Variants in TMEM273 observed in about 807,000 individuals in gnomAD.
TMEM273 encodes the protein transmembrane protein 273.
In TMEM273, 19 loss-of-function variants were observed where a neutral mutation model predicts 17.9. The ratio of observed to expected loss-of-function variants is 1.06; its 90% CI spans 0.74 to 1.55. The LOEUF (loss-of-function observed/expected upper bound fraction) is 1.55. Among genes scored for constraint, TMEM273 ranks in the 40% most tolerant of loss-of-function variants. TMEM273 has a pLI of 0.00. For missense variants in TMEM273, 194 were observed against 155.6 expected, an observed-to-expected ratio of 1.25 and a Z score of -1.31; for synonymous variants, 66 against 62.0, an observed-to-expected ratio of 1.07 and a Z score of -0.31.
intron 1 of TMEM273, among the ~76,000 whole-genome samples, chr10:49,176,029 G>T (rs902861131): frequency 1.3e-5 from 2 of 152,212 alleles, no homozygotes; most frequent in African/African-American, 4.8e-5. Context: ...GAAACCAAGA[G>T]ATCTGAGTCC....
chr10:49,175,306 G>C (rs1042880444), intron 1 of TMEM273, among the ~76,000 whole-genome samples: 1 of 152,154 alleles, frequency 6.6e-6, no homozygotes, highest in African/African-American at 2.4e-5. Context: ...CCAGAGGTGG[G>C]AGTGCTTGGC....
chr10:49,173,898 C>G (rs1418331372), intron 1 of TMEM273, among the ~76,000 whole-genome samples: 3 of 152,142 alleles, frequency 2.0e-5, no homozygotes, highest in Non-Finnish European at 4.4e-5. Flanking sequence ...GCTCTGAGAC[C>G]ATGTACACTG....
Position 49,165,751 on chromosome 10 carries a change from G to C in TMEM273, c.269+15C>G. On this transcript the variant is annotated intron_variant, in intron 4 of 6. Coordinates refer to ENST00000374153, the MANE Select transcript of TMEM273 (RefSeq NM_001288740.3). ...ACACGATACCTCTCCCTGACTGTGT[G>C]GGCAGTGACCTTACCTTGGGGCTCT... 6.2e-7 allele frequency: 1 copy of C among 1,614,104 alleles called. No individual in the cohort carries two copies. Among genetic ancestry groups the C allele is most frequent in the Non-Finnish European group, 8.5e-7 (1 of 1,179,952 alleles).
intron 5 of TMEM273, among the ~76,000 whole-genome samples, chr10:49,163,771 C>A (rs1845994580): frequency 6.6e-6 from 1 of 152,118 alleles, no homozygotes; most frequent in South Asian, 2.1e-4. Flanking sequence ...ATGAAATGTG[C>A]TTTAATGCTT....
chr10:49,180,511 C>T (rs1160701963), intron 1 of TMEM273, among the ~76,000 whole-genome samples: 2 of 152,170 alleles, frequency 1.3e-5, no homozygotes, highest in Non-Finnish European at 2.9e-5. Flanking sequence ...CCCCTTTTCT[C>T]TCGACAGAAT....
chr10:49,160,309 T>C (rs555832821), intron 6 of TMEM273: 1 of 152,314 alleles, frequency 6.6e-6, no homozygotes, highest in Admixed American at 6.5e-5. Context: ...CCAACAGTGA[T>C]GCAATACAAC....
At chr10:49,161,472 G>T in intron 6 of TMEM273, 127 bp downstream of exon 6, 1 of 1,187,154 alleles carries the variant, frequency 8.4e-7, no homozygotes, top group Non-Finnish European at 1.3e-6. Flanking sequence ...AGGGCTCCTG[G>T]CCATGCCATG....
intron 4 of TMEM273, 90 bp downstream of exon 4, chr10:49,165,676 G>A: frequency 6.4e-7 from 1 of 1,556,068 alleles, no homozygotes; most frequent in African/African-American, 1.4e-5. Context: ...AGAGTGCAGA[G>A]AAGGCTGGGG....
chr10:49,172,954 T>C (rs937774723), intron 1 of TMEM273, among the ~76,000 whole-genome samples: 1 of 152,218 alleles, frequency 6.6e-6, no homozygotes. Context: ...TTATTCTTCC[T>C]GTCAACTGTG....
At chr10:49,166,833 T>C in intron 3 of TMEM273, 36 bp downstream of exon 3, 1 of 1,611,330 alleles carries the variant, frequency 6.2e-7, no homozygotes, top group Non-Finnish European at 8.5e-7. Flanking sequence ...CCTCGCTGGG[T>C]GGGGCAGAGC....
chr10:49,158,064 C>G (rs1331559769), intron 6 of TMEM273, among the ~76,000 whole-genome samples: 1 of 152,050 alleles, frequency 6.6e-6, no homozygotes, highest in African/African-American at 2.4e-5. Context: ...ATTTTGAAAG[C>G]AGCAAAGGCA....
rs1349356903 is a variant in TMEM273, at chr10:49,168,810, G to C, written c.44-848C>G. ...CAGGCCTTGAAACCTTAAGACAGGA[G>C]ATACTGCTCACAAACAGCGCCCTAA... On this transcript the variant is annotated intron_variant, in intron 1 of 6. Coordinates refer to ENST00000374153, the MANE Select transcript of TMEM273 (RefSeq NM_001288740.3). Among the ~76,000 whole-genome samples, 13 of 152,162 alleles carry C rather than the reference G, an allele frequency of 8.5e-5. 1 individual carries two copies. The highest frequency in any genetic ancestry group is 1.6e-4 in the Non-Finnish European group (11 of 68,026).
intron 6 of TMEM273, among the ~76,000 whole-genome samples, chr10:49,158,277 C>T (rs1288028272): frequency 6.6e-6 from 1 of 151,466 alleles, no homozygotes. Context: ...AATGCAACCC[C>T]AATTTAAATA....
intron 3 of TMEM273, 24 bp downstream of exon 3, chr10:49,166,845 A>T (rs1306533393): frequency 6.2e-7 from 1 of 1,612,378 alleles, no homozygotes; most frequent in African/African-American, 1.3e-5. Flanking sequence ...GGGCAGAGCC[A>T]GGCCCGAGCA....
chr10:49,156,989 A>T (rs2132074220), intron 6 of TMEM273, among the ~76,000 whole-genome samples: 1 of 152,320 alleles, frequency 6.6e-6, no homozygotes, highest in South Asian at 2.1e-4. Context: ...TCAGAAGAAA[A>T]TGGGGTTTAG....
chr10:49,170,880 G>A (rs1846520668), intron 1 of TMEM273, among the ~76,000 whole-genome samples: 1 of 152,182 alleles, frequency 6.6e-6, no homozygotes, highest in South Asian at 2.1e-4. Context: ...GACCCCCTGG[G>A]CCATAGACCC....
At chr10:49,163,470 C>T (rs1002539439) in intron 5 of TMEM273, among the ~76,000 whole-genome samples, 1 of 152,168 alleles carries the variant, frequency 6.6e-6, no homozygotes, top group Non-Finnish European at 1.5e-5. Flanking sequence ...TGTGTGGCCA[C>T]CGGGGCCTGG....
chr10:49,155,837 T>C lies in TMEM273; in HGVS notation c.*55A>G, dbSNP rs373193962. 3.0e-5 allele frequency: 48 copies of C among 1,613,804 alleles called. No individual in the cohort carries two copies. The East Asian group carries it at 3.6e-4, about 12-fold the overall frequency. ...GCAGAACATCCTGAGATGTTAACCA[T>C]GGGCTGTTTTCCACGGGGCTAGAAC... On this transcript the variant is annotated 3_prime_UTR_variant, in exon 7 of 7. Transcript: ENST00000374153.
rs1475396390 is a variant in TMEM273, at chr10:49,154,909, G to A, written c.*983C>T. 1 of 152,196 alleles carries A rather than the reference G, an allele frequency of 6.6e-6. No homozygotes were observed. Among genetic ancestry groups the A allele is most frequent in the African/African-American group, 2.4e-5 (1 of 41,444 alleles). 9.4% of individuals were successfully genotyped at this position (152,196 alleles called of 1,614,324 possible). On this transcript the variant is annotated 3_prime_UTR_variant, in exon 7 of 7. Transcript: ENST00000374153. ...TCATGACAACACAGCACTTTGTTCT[G>A]AAATATAGCTCATCTTTCATCACAC...
Sources: gnomAD v4.1 joint callset for allele counts (sites outside exome capture counted in the v4.1 genomes callset) on GRCh38, gnomAD v4.1.1 for gene constraint, MANE v1.5 for transcripts, NCBI Gene and HGNC (gene_info 2026-07-23, HGNC 2026-07-21) for gene names.